KLHL7: variants seen among roughly 807,000 people sequenced by gnomAD.
KLHL7 encodes the protein kelch like family member 7, also known as kelch-like protein 7.
KLHL7 carries 44 observed loss-of-function variants against 67.4 expected under a neutral mutation model. That is an observed-to-expected ratio of 0.65 (90% CI 0.51 to 0.84). KLHL7 has a LOEUF of 0.84. KLHL7 is among the 40% of genes least tolerant of loss of function. KLHL7 has a pLI of 0.00. For missense variants in KLHL7, 362 were observed against 718.1 expected (o/e 0.50, Z 5.67); for synonymous variants, 252 against 243.3 (o/e 1.04, Z -0.33).
Position 23,106,113 on chromosome 7 carries a change from T to C in KLHL7, c.87T>C (p.Gly29=). 1.2e-6 allele frequency: 2 copies of C among 1,609,786 alleles called. No individual in the cohort carries two copies. The highest frequency in any genetic ancestry group is 1.7e-6 in the Non-Finnish European group (2 of 1,178,360). Residue 29 remains glycine (G), a synonymous_variant, in exon 1 of 11, where the codon GGT becomes GGC. Transcript: ENST00000339077. ...AAREEAKLLA[G]FMGVMNNMRK... The stretch of plus-strand genomic sequence containing the variant: ...GGGAAGAAGCTAAATTGTTGGCGGG[T>C]TTCATGGGCGTCATGAATAACATGC...
chr7:23,147,080 C>T (rs6955969), intron 6 of KLHL7, among the ~76,000 whole-genome samples: 66,352 of 145,446 alleles, frequency 0.46, 17,326 homozygotes, highest in African/African-American at 0.73. Context: ...CTATGTATTA[C>T]TTATTAACCT....
At chr7:23,136,107 G>A (rs1323614867) in intron 4 of KLHL7, among the ~76,000 whole-genome samples, 1 of 152,212 alleles carries the variant, frequency 6.6e-6, no homozygotes, top group Non-Finnish European at 1.5e-5. Flanking sequence ...AACTATCCCA[G>A]CTGGTGTCTA....
At chr7:23,171,185 G>T (rs1473393456) in intron 9 of KLHL7, 11 of 358,542 alleles carry the variant, frequency 3.1e-5, no homozygotes, top group South Asian at 2.3e-4. Flanking sequence ...GATTACAGGC[G>T]AAAAAACGCT....
chr7:23,174,648 T>A lies in KLHL7; in HGVS notation c.*350T>A, dbSNP rs1785253482. Reference sequence around the variant, plus strand: ...GCAGTATCTTAGCTCTAGATTCTATTTTCATGCATCACAGAAGTGCTATAC... The same window carrying A: ...GCAGTATCTTAGCTCTAGATTCTATATTCATGCATCACAGAAGTGCTATAC... On this transcript the variant is annotated 3_prime_UTR_variant, in exon 11 of 11. Coordinates refer to ENST00000339077, the MANE Select transcript of KLHL7 (RefSeq NM_001031710.3). 2 of 467,512 alleles carry A rather than the reference T, an allele frequency of 4.3e-6. No individual in the cohort carries two copies. The highest frequency in any genetic ancestry group is 8.5e-6 in the Non-Finnish European group (2 of 235,778). The allele number at this position is 467,512 out of a possible 1,614,324, so 29.0% of individuals were successfully genotyped here.
chr7:23,128,808 A>G (rs1338652201), intron 4 of KLHL7, among the ~76,000 whole-genome samples: 2 of 152,244 alleles, frequency 1.3e-5, no homozygotes, highest in South Asian at 2.1e-4. Flanking sequence ...AAATTTGCCT[A>G]TTCTGAGTGT....
intron 4 of KLHL7, chr7:23,129,626 A>G (rs1486894948): frequency 5.6e-6 from 1 of 179,316 alleles, no homozygotes; most frequent in African/African-American, 2.4e-5. Flanking sequence ...TGCTGATCTG[A>G]CTGGGAAGCC....
At chr7:23,107,984 T>C (rs893035415) in intron 1 of KLHL7, among the ~76,000 whole-genome samples, 2 of 152,340 alleles carry the variant, frequency 1.3e-5, no homozygotes, top group African/African-American at 2.4e-5. Flanking sequence ...TTGATGGGAA[T>C]TGGCAGAAAC....
At chr7:23,160,964 A>G (rs1784839594) in intron 7 of KLHL7, among the ~76,000 whole-genome samples, 2 of 152,306 alleles carry the variant, frequency 1.3e-5, no homozygotes, top group East Asian at 3.9e-4. Flanking sequence ...TATAATAGCT[A>G]TTTGTGTTTC....
intron 1 of KLHL7, among the ~76,000 whole-genome samples, chr7:23,120,487 C>T (rs1783289248): frequency 6.6e-6 from 1 of 152,148 alleles, no homozygotes; most frequent in Admixed American, 6.5e-5. Context: ...ACAAATCAGG[C>T]TAATTAGCAT....
intron 7 of KLHL7, 138 bp from the exon 8 acceptor site, chr7:23,165,558 AAT>A: frequency 1.0e-6 from 1 of 1,003,076 alleles, no homozygotes; most frequent in African/African-American, 1.6e-5. Flanking sequence ...TTAAATTGGT[AAT>A]AGTCTCAAGC....
At chr7:23,114,977 T>A (rs1224487172) in intron 1 of KLHL7, among the ~76,000 whole-genome samples, 3 of 152,190 alleles carry the variant, frequency 2.0e-5, no homozygotes, top group Non-Finnish European at 4.4e-5. Context: ...TGAATTAAAA[T>A]GAAAGGCAAT....
At chr7:23,135,490 C>A (rs1457576300) in intron 4 of KLHL7, among the ~76,000 whole-genome samples, 1 of 152,144 alleles carries the variant, frequency 6.6e-6, no homozygotes, top group African/African-American at 2.4e-5. Flanking sequence ...TGTTGATTTT[C>A]TGTCTGGAAG....
chr7:23,132,999 A>G (rs1006956950), intron 4 of KLHL7, among the ~76,000 whole-genome samples: 21 of 152,186 alleles, frequency 1.4e-4, no homozygotes, highest in African/African-American at 1.7e-4. Flanking sequence ...CCATTGGTCT[A>G]TGTGTCTGTT....
Position 23,174,231 on chromosome 7 carries a change from C to T in KLHL7, c.1694C>T (p.Pro565Leu), listed in dbSNP as rs909874583. 6.2e-7 allele frequency: 1 copy of T among 1,614,134 alleles called. No individual in the cohort carries two copies. Among genetic ancestry groups the T allele is most frequent in the Non-Finnish European group, 8.5e-7 (1 of 1,180,006 alleles). ...GCCAACTCCAAAGTTCGTGCTTTTCCAGTCACAAGTTGTTTAATTTGTGTT... is the reference window on the plus strand; with the variant it reads ...GCCAACTCCAAAGTTCGTGCTTTTCTAGTCACAAGTTGTTTAATTTGTGTT... Reference protein sequence around the residue: ...WVANSKVRAFPVTSCLICVVD... With the variant: ...WVANSKVRAFLVTSCLICVVD... Residue 565 changes from proline to leucine, a missense_variant, in exon 11 of 11, where the codon CCA becomes CTA. By Grantham distance (98) the Pro-to-Leu change is moderately conservative. Transcript: ENST00000339077.
intron 2 of KLHL7, among the ~76,000 whole-genome samples, chr7:23,124,468 T>C (rs759174032): frequency 2.0e-5 from 3 of 152,186 alleles, no homozygotes; most frequent in Non-Finnish European, 2.9e-5. Context: ...TAAAAAGAAG[T>C]ACACTAATTC....
chr7:23,125,963 C>T, intron 4 of KLHL7: 5 of 889,716 alleles, frequency 5.6e-6, no homozygotes, highest in Non-Finnish European at 9.0e-6. Context: ...TTTTATGATA[C>T]ATACATGCCT....
chr7:23,150,084 A>C (rs1005563713), intron 6 of KLHL7, among the ~76,000 whole-genome samples: 11 of 152,180 alleles, frequency 7.2e-5, no homozygotes, highest in African/African-American at 2.7e-4. Flanking sequence ...GCTGAGCCTA[A>C]GAGTTCAAGG....
In KLHL7 at chr7:23,132,746, C is replaced by A. The variant is rs180748194; in HGVS notation, c.442+7574C>A. On this transcript the variant is annotated intron_variant, in intron 4 of 10. Transcript: ENST00000339077. ...GATCAGTGTCCTGGAGATTTCTCCCCAGTGTTTTCTTGTTATTTCATAGTT... is the reference window on the plus strand; with the variant it reads ...GATCAGTGTCCTGGAGATTTCTCCCAAGTGTTTTCTTGTTATTTCATAGTT... Among the ~76,000 whole-genome samples the A allele has an allele frequency of 1.2e-3, 177 of 152,212 alleles. 1 individual carries two copies. Among genetic ancestry groups the A allele is most frequent in the African/African-American group, 4.0e-3 (166 of 41,554 alleles).
chr7:23,106,794 G>T (rs888194940), intron 1 of KLHL7: 1 of 985,344 alleles, frequency 1.0e-6, no homozygotes, highest in Non-Finnish European at 1.2e-6. Flanking sequence ...ATCGGCGAAA[G>T]GTGGGTTATG....
Sources: gnomAD v4.1 joint callset for allele counts (sites outside exome capture counted in the v4.1 genomes callset) on GRCh38, gnomAD v4.1.1 for gene constraint, MANE v1.5 for transcripts, NCBI Gene and HGNC (gene_info 2026-07-23, HGNC 2026-07-21) for gene names.